The following SPOCK3 variants were observed in gnomAD, a reference collection of about 807,000 sequenced individuals.
SPOCK3 encodes testican-3.
SPOCK3 carries 30 observed loss-of-function variants against 56.6 expected under a neutral mutation model. The observed-to-expected ratio is 0.53, with a 90% CI of 0.40 to 0.72. The LOEUF (loss-of-function observed/expected upper bound fraction) is 0.72, where lower values mean the gene tolerates loss of function less well. Ranked by LOEUF, SPOCK3 falls within the 30% of genes least tolerant of loss-of-function variation. SPOCK3 has a pLI of 0.00. For synonymous variants in SPOCK3, 196 were observed against 183.3 expected (o/e 1.07, Z -0.56); for missense variants, 527 against 530.0 (o/e 0.99, Z 0.06).
intron 6 of SPOCK3, among the ~76,000 whole-genome samples, chr4:166,801,351 C>CA (rs994826445): frequency 2.6e-5 from 4 of 151,610 alleles, no homozygotes; most frequent in Non-Finnish European, 4.4e-5. Context: ...CTTTCCCTAC[C>CA]AAAAAAAGGG....
chr4:166,861,320 A>ATC (rs1203395391), intron 6 of SPOCK3, among the ~76,000 whole-genome samples: 2 of 151,606 alleles, frequency 1.3e-5, no homozygotes, highest in Admixed American at 6.6e-5. Context: ...CAACCAGTCA[A>ATC]TCTCTCTCTC....
chr4:166,895,752 T>C (rs945332943), intron 5 of SPOCK3, among the ~76,000 whole-genome samples: 1 of 152,206 alleles, frequency 6.6e-6, no homozygotes, highest in East Asian at 1.9e-4. Context: ...AAATGATCAA[T>C]GGTCACCAAA....
chr4:167,012,144 A>C (rs1391567813), intron 3 of SPOCK3, among the ~76,000 whole-genome samples: 1 of 151,992 alleles, frequency 6.6e-6, no homozygotes, highest in Non-Finnish European at 1.5e-5. Flanking sequence ...ATTAAAAATG[A>C]AAATCTAAAA....
chr4:167,130,054 C>T (rs1200548459), intron 2 of SPOCK3, among the ~76,000 whole-genome samples: 1 of 152,110 alleles, frequency 6.6e-6, no homozygotes, highest in Non-Finnish European at 1.5e-5. Flanking sequence ...CTTGCTCTGT[C>T]ACCCAGGCTG....
intron 7 of SPOCK3, among the ~76,000 whole-genome samples, chr4:166,788,697 G>T (rs1159075664): frequency 1.3e-5 from 2 of 151,450 alleles, no homozygotes; most frequent in African/African-American, 4.8e-5. Context: ...AATTATAAAT[G>T]ATTTTCTTAG....
At chr4:166,902,617 TCA>T (rs1025901773) in intron 5 of SPOCK3, among the ~76,000 whole-genome samples, 43 of 151,276 alleles carry the variant, frequency 2.8e-4, no homozygotes, top group Admixed American at 1.7e-3. Flanking sequence ...TGCATATATT[TCA>T]CACATATGTA....
At chr4:166,998,452 CAG>C (rs1407246347) in intron 4 of SPOCK3, among the ~76,000 whole-genome samples, 1 of 152,002 alleles carries the variant, frequency 6.6e-6, no homozygotes, top group East Asian at 1.9e-4. Flanking sequence ...TTTAATAAGT[CAG>C]AGAAGTAACG....
At chr4:166,786,009 G>C (rs1740692588) in intron 7 of SPOCK3, among the ~76,000 whole-genome samples, 1 of 152,150 alleles carries the variant, frequency 6.6e-6, no homozygotes. Context: ...TTGGAACAGA[G>C]AGAAAATAAG....
chr4:167,128,839 C>A (rs146694136), intron 2 of SPOCK3, among the ~76,000 whole-genome samples: 76 of 152,300 alleles, frequency 5.0e-4, no homozygotes, highest in Non-Finnish European at 8.8e-4. Context: ...TTACCAAGAA[C>A]ATCCATTCCC....
intron 6 of SPOCK3, among the ~76,000 whole-genome samples, chr4:166,846,901 C>T (rs1748114505): frequency 6.6e-6 from 1 of 151,958 alleles, no homozygotes; most frequent in Admixed American, 6.6e-5. Flanking sequence ...ACAGTATCAA[C>T]CCAGGTAAAT....
chr4:166,849,387 C>A (rs961651179), intron 6 of SPOCK3, among the ~76,000 whole-genome samples: 3 of 151,688 alleles, frequency 2.0e-5, no homozygotes, highest in Admixed American at 2.0e-4. Flanking sequence ...TTGGTTGATG[C>A]AAAAGTAATT....
At chr4:167,099,279 T>G (rs1195608572) in intron 2 of SPOCK3, among the ~76,000 whole-genome samples, 1 of 151,968 alleles carries the variant, frequency 6.6e-6, no homozygotes, top group Non-Finnish European at 1.5e-5. Context: ...TTTAAGTTAT[T>G]TATATATTTT....
intron 6 of SPOCK3, among the ~76,000 whole-genome samples, chr4:166,848,648 G>T (rs1748348106): frequency 6.6e-6 from 1 of 152,150 alleles, no homozygotes. Context: ...TGTACTAACA[G>T]AATATATTAT....
intron 4 of SPOCK3, among the ~76,000 whole-genome samples, chr4:166,922,851 T>C (rs908760817): frequency 3.9e-5 from 6 of 152,218 alleles, no homozygotes; most frequent in African/African-American, 1.4e-4. Context: ...CCAAGCATTC[T>C]GACCTCTGTG....
chr4:167,202,863 C>T (rs756201506), intron 2 of SPOCK3, among the ~76,000 whole-genome samples: 1 of 151,656 alleles, frequency 6.6e-6, no homozygotes, highest in African/African-American at 2.4e-5. Flanking sequence ...GAATACTAAA[C>T]CATTTGGCCT....
chr4:167,089,863 T>C (rs1468125943), intron 2 of SPOCK3, among the ~76,000 whole-genome samples: 1 of 152,172 alleles, frequency 6.6e-6, no homozygotes, highest in East Asian at 1.9e-4. Flanking sequence ...CTTTTTCAAA[T>C]GTTATACAAA....
intron 4 of SPOCK3, among the ~76,000 whole-genome samples, chr4:166,932,072 C>T (rs879378731): frequency 2.6e-5 from 4 of 152,240 alleles, no homozygotes; most frequent in Non-Finnish European, 5.9e-5. Flanking sequence ...ACCATTATTG[C>T]TTTCAGAATA....
At chr4:166,811,033 C>T (rs1050933307) in intron 6 of SPOCK3, among the ~76,000 whole-genome samples, 2 of 151,712 alleles carry the variant, frequency 1.3e-5, no homozygotes, top group African/African-American at 4.8e-5. Context: ...AATGTATTGA[C>T]CAAAAGTTTA....
At chr4:167,188,192 T>A (rs1228401191) in intron 2 of SPOCK3, among the ~76,000 whole-genome samples, 2 of 146,248 alleles carry the variant, frequency 1.4e-5, no homozygotes, top group Admixed American at 1.4e-4. Flanking sequence ...CGAACTCAGC[T>A]AAACAGCCCG....
Sources: gnomAD v4.1 joint callset for allele counts (sites outside exome capture counted in the v4.1 genomes callset) on GRCh38, gnomAD v4.1.1 for gene constraint, MANE v1.5 for transcripts, NCBI Gene and HGNC (gene_info 2026-07-23, HGNC 2026-07-21) for gene names.